The following KIAA1549L variants were observed in gnomAD, a reference collection of about 807,000 sequenced individuals.
KIAA1549L encodes KIAA1549 like.
KIAA1549L carries 88 observed loss-of-function variants against 160.7 expected under a neutral mutation model. That is an observed-to-expected ratio of 0.55 (90% CI 0.46 to 0.65). KIAA1549L has a LOEUF of 0.65. Ranked by LOEUF, KIAA1549L falls within the 30% of genes least tolerant of loss-of-function variation. The pLI, the probability that KIAA1549L is intolerant of heterozygous loss-of-function variation, is 0.00. For synonymous variants in KIAA1549L, 950 were observed against 976.7 expected, an observed-to-expected ratio of 0.97 and a Z score of 0.51; for missense variants, 2,258 against 2,437.5, an observed-to-expected ratio of 0.93 and a Z score of 1.55.
intron 1 of KIAA1549L, chr11:33,403,197 ACAGACACACG>A (rs1850538353): frequency 6.6e-6 from 1 of 151,942 alleles, no homozygotes; most frequent in Admixed American, 6.6e-5. Flanking sequence ...ACAGACATAC[ACAGACACACG>A]CACCCACACA....
At chr11:33,532,427 A>G (rs1853795387) in intron 1 of KIAA1549L, among the ~76,000 whole-genome samples, 1 of 152,232 alleles carries the variant, frequency 6.6e-6, no homozygotes, top group Admixed American at 6.5e-5. Context: ...CTTTTTGACC[A>G]CTATGTGCTG....
chr11:33,517,724 G>A (rs1853380923), intron 1 of KIAA1549L, among the ~76,000 whole-genome samples: 1 of 152,160 alleles, frequency 6.6e-6, no homozygotes, highest in Admixed American at 6.5e-5. Context: ...GGAACATGTT[G>A]AAATGAGTCA....
At chr11:33,636,303 A>G (rs570157612) in intron 16 of KIAA1549L, among the ~76,000 whole-genome samples, 3 of 152,282 alleles carry the variant, frequency 2.0e-5, no homozygotes, top group South Asian at 4.2e-4. Flanking sequence ...GAAAGAAAAA[A>G]AATTGTATCC....
intron 1 of KIAA1549L, among the ~76,000 whole-genome samples, chr11:33,483,098 C>G (rs1852447137): frequency 6.6e-6 from 1 of 152,162 alleles, no homozygotes; most frequent in Non-Finnish European, 1.5e-5. Context: ...CCTCCTCCTC[C>G]TCTCTTTCCC....
At chr11:33,657,994 T>C (rs1010921702) in intron 18 of KIAA1549L, among the ~76,000 whole-genome samples, 12 of 152,118 alleles carry the variant, frequency 7.9e-5, no homozygotes, top group African/African-American at 2.9e-4. Flanking sequence ...GAGCCTGAAG[T>C]CCCTCTGTGA....
At chr11:33,641,779 G>A (rs959087952) in intron 16 of KIAA1549L, among the ~76,000 whole-genome samples, 3 of 151,612 alleles carry the variant, frequency 2.0e-5, no homozygotes, top group African/African-American at 4.8e-5. Flanking sequence ...TACTTCATAA[G>A]TTCTTATAAG....
At chr11:33,500,424 T>C (rs1852920838) in intron 1 of KIAA1549L, among the ~76,000 whole-genome samples, 1 of 152,178 alleles carries the variant, frequency 6.6e-6, no homozygotes, top group South Asian at 2.1e-4. Context: ...CATTCAGCAT[T>C]AATAAAGCAA....
intron 11 of KIAA1549L, among the ~76,000 whole-genome samples, chr11:33,586,312 G>C (rs747729817): frequency 6.6e-6 from 1 of 152,182 alleles, no homozygotes; most frequent in Non-Finnish European, 1.5e-5. Flanking sequence ...GGTGAGTGTG[G>C]CTTTCCCGGG....
chr11:33,641,431 T>C (rs893950367), intron 16 of KIAA1549L, among the ~76,000 whole-genome samples: 12 of 151,840 alleles, frequency 7.9e-5, no homozygotes, highest in South Asian at 2.1e-4. Context: ...TATAAATGCT[T>C]TGTATTTATA....
Position 33,543,026 on chromosome 11 carries a change from G to A in KIAA1549L, c.1463G>A (p.Gly488Glu). 6.2e-7 allele frequency: 1 copy of A among 1,613,824 alleles called. No individual in the cohort carries two copies. Among genetic ancestry groups the A allele is most frequent in the Non-Finnish European group, 8.5e-7 (1 of 1,179,882 alleles). The change falls in exon 2 of 21, where the codon GGG (glycine) becomes GAG (glutamate). Residue 488 changes from glycine to glutamate, a missense_variant. This residue lies in a region of KIAA1549L where 540 missense variants were observed against 465.7 expected (regional missense o/e 1.16). Coordinates refer to ENST00000658780, the MANE Select transcript of KIAA1549L (RefSeq NM_012194.3). ...TLGQEQAILS[G>E]AVPASPSTGT... is the part of the protein sequence containing the mutation. ...GGTCAAGAGCAAGCCATCCTTTCTG[G>A]GGCGGTTCCCGCATCACCATCAACT...
chr11:33,653,739 C>T (rs1352587175), intron 17 of KIAA1549L, among the ~76,000 whole-genome samples: 2 of 151,982 alleles, frequency 1.3e-5, no homozygotes, highest in African/African-American at 4.8e-5. Flanking sequence ...TCATTCCATC[C>T]TCTGTGTCTT....
chr11:33,457,247 T>C (rs1851846617), intron 1 of KIAA1549L, among the ~76,000 whole-genome samples: 1 of 152,138 alleles, frequency 6.6e-6, no homozygotes, highest in African/African-American at 2.4e-5. Context: ...AGTGAATTCT[T>C]CCCCTCTCTT....
intron 7 of KIAA1549L, 90 bp from the exon 8 acceptor site, chr11:33,561,586 T>G (rs1854860100): frequency 4.7e-6 from 5 of 1,057,760 alleles, no homozygotes; most frequent in African/African-American, 1.6e-5. Flanking sequence ...GGGCAACATA[T>G]CAAGATCCCA....
In KIAA1549L at chr11:33,542,996, C is replaced by T. The variant is rs1854081881; in HGVS notation, c.1433C>T (p.Thr478Ile). The T allele has an allele frequency of 6.2e-7, 1 of 1,613,904 alleles. No individual in the cohort carries two copies. Among genetic ancestry groups the T allele is most frequent in the Non-Finnish European group, 8.5e-7 (1 of 1,179,910 alleles). Residue 478 changes from threonine (T) to isoleucine (I), a missense_variant, in exon 2 of 21, where the codon ACA becomes ATA. By Grantham distance (89) the Thr-to-Ile change is moderately conservative. This residue lies in a region of KIAA1549L where 540 missense variants were observed against 465.7 expected (regional missense o/e 1.16). Transcript: ENST00000658780. ...TTGGTGCCTTCTCTGCATATCACCA[C>T]ACTGGGTCAAGAGCAAGCCATCCTT... ...SSLVPSLHIT[T>I]LGQEQAILSG... is the part of the protein sequence containing the mutation.
intron 1 of KIAA1549L, among the ~76,000 whole-genome samples, chr11:33,391,147 A>G (rs1467743283): frequency 2.0e-5 from 3 of 152,232 alleles, no homozygotes; most frequent in African/African-American, 7.2e-5. Flanking sequence ...ACAACCTAGT[A>G]GGCACTCAGC....
chr11:33,416,922 G>T (rs1409618195), intron 1 of KIAA1549L, among the ~76,000 whole-genome samples: 1 of 152,092 alleles, frequency 6.6e-6, no homozygotes, highest in Non-Finnish European at 1.5e-5. Flanking sequence ...TCATTCATCT[G>T]CTCATCCTGC....
chr11:33,567,226 C>T (rs1221117335), intron 8 of KIAA1549L, among the ~76,000 whole-genome samples: 3 of 152,204 alleles, frequency 2.0e-5, no homozygotes, highest in African/African-American at 7.2e-5. Context: ...GAAGGGTGTT[C>T]CCTTTACCTT....
At chr11:33,405,839 CAAAAAAAAAAA>C (rs35479859) in intron 1 of KIAA1549L, among the ~76,000 whole-genome samples, 9 of 68,878 alleles carry the variant, frequency 1.3e-4, no homozygotes, top group African/African-American at 3.7e-4. Flanking sequence ...CAGTCTGTCT[CAAAAAAAAAAA>C]AAAAAAAAAA....
At chr11:33,521,238 G>T (rs1007889471) in intron 1 of KIAA1549L, among the ~76,000 whole-genome samples, 2 of 152,178 alleles carry the variant, frequency 1.3e-5, no homozygotes, top group African/African-American at 4.8e-5. Flanking sequence ...ACACCTTGGG[G>T]TAGGGACCTC....
Sources: gnomAD v4.1 joint callset for allele counts (sites outside exome capture counted in the v4.1 genomes callset) on GRCh38, gnomAD v4.1.1 for gene constraint, gnomAD v4.1.1 regional missense constraint, MANE v1.5 for transcripts, NCBI Gene and HGNC (gene_info 2026-07-23, HGNC 2026-07-21) for gene names.